The following CCNT1 variants were observed in gnomAD, a reference collection of about 807,000 sequenced individuals.
The protein encoded by CCNT1 is cyclin T1.
Under a neutral mutation model 67.3 loss-of-function variants are expected in CCNT1, and 18 were observed. The ratio of observed to expected loss-of-function variants is 0.27; its 90% CI spans 0.18 to 0.40. CCNT1 has a LOEUF of 0.40. CCNT1 is among the 10% of genes least tolerant of loss of function. The pLI, the probability that CCNT1 is intolerant of heterozygous loss-of-function variation, is 1.00. For missense variants in CCNT1, 744 were observed against 884.9 expected, an observed-to-expected ratio of 0.84 and a Z score of 2.02; for synonymous variants, 333 against 310.3, an observed-to-expected ratio of 1.07 and a Z score of -0.77.
intron 1 of CCNT1, among the ~76,000 whole-genome samples, chr12:48,715,205 GACAGGATGCTTAGGAAACAAAC>G (rs1940516151): frequency 6.6e-6 from 1 of 152,198 alleles, no homozygotes; most frequent in Admixed American, 6.5e-5. Flanking sequence ...ACTCCATACT[GACAGGATGCTTAGGAAACAAAC>G]CTGGACATCA....
chr12:48,704,762 T>G (rs1450136619), intron 3 of CCNT1, among the ~76,000 whole-genome samples: 2 of 152,012 alleles, frequency 1.3e-5, no homozygotes, highest in Non-Finnish European at 2.9e-5. Context: ...TGAGCCGAGA[T>G]TGCGCCACTG....
At chr12:48,698,848 C>T (rs561733463) in intron 5 of CCNT1, among the ~76,000 whole-genome samples, 2 of 151,338 alleles carry the variant, frequency 1.3e-5, no homozygotes, top group South Asian at 2.1e-4. Flanking sequence ...CCCAGCTACT[C>T]GGAAGACTGA....
intron 3 of CCNT1, among the ~76,000 whole-genome samples, chr12:48,701,730 C>G (rs1162802669): frequency 1.3e-5 from 2 of 151,974 alleles, no homozygotes; most frequent in African/African-American, 4.8e-5. Context: ...CCTCAGCCTC[C>G]CGAGTAGCTG....
chr12:48,696,351 A>T (rs899556104), intron 6 of CCNT1, among the ~76,000 whole-genome samples, 189 bp from the exon 7 acceptor site: 3 of 150,426 alleles, frequency 2.0e-5, no homozygotes, highest in African/African-American at 7.3e-5. Context: ...CTATTAACCC[A>T]CCTGTTCAGG....
At chr12:48,711,671 T>A (rs1289561683) in intron 2 of CCNT1, among the ~76,000 whole-genome samples, 3 of 152,110 alleles carry the variant, frequency 2.0e-5, no homozygotes, top group African/African-American at 7.2e-5. Flanking sequence ...CAGGCTTCTC[T>A]CTCTTTTAAT....
At position 48,690,331 on chromosome 12, in the gene CCNT1, A is replaced by G. The variant is rs996508950; in HGVS notation, c.*2702T>C. The G allele has an allele frequency of 6.6e-6, 1 of 152,214 alleles. No homozygotes were observed. Among genetic ancestry groups the G allele is most frequent in the Non-Finnish European group, 1.5e-5 (1 of 68,056 alleles). The allele number at this position is 152,214 out of a possible 1,614,324, so 9.4% of individuals were successfully genotyped here. On this transcript the variant is annotated 3_prime_UTR_variant, in exon 9 of 9. Coordinates refer to ENST00000261900, the MANE Select transcript of CCNT1 (RefSeq NM_001240.4). ...AGAAACAAAAAGCCATATTTATCAGACTAACTTTGGATGTATAAATCTCAT... is the reference window on the plus strand; with the variant it reads ...AGAAACAAAAAGCCATATTTATCAGGCTAACTTTGGATGTATAAATCTCAT...
At chr12:48,695,228 G>C (rs1391738314) in intron 8 of CCNT1, among the ~76,000 whole-genome samples, 1 of 151,936 alleles carries the variant, frequency 6.6e-6, no homozygotes, top group African/African-American at 2.4e-5. Context: ...GGATTTAGGA[G>C]AAAACAATGG....
chr12:48,693,109 G>C lies in CCNT1; in HGVS notation c.2105C>G (p.Ser702Cys). 1.2e-6 allele frequency: 2 copies of C among 1,614,124 alleles called. No individual in the cohort carries two copies. Among genetic ancestry groups the C allele is most frequent in the Non-Finnish European group, 1.7e-6 (2 of 1,180,006 alleles). ...TGGCCGGGGTTTGTCTGTATTGCCA[G>C]ATCTCGAGGAGATTCCACCAGACCG... ...NPRSGGISSR[S>C]GNTDKPRPPP... The change falls in exon 9 of 9, where the codon TCT (serine) becomes TGT (cysteine). Residue 702 changes from serine to cysteine, a missense_variant. Physicochemically the swap from Ser to Cys is moderately radical, Grantham distance 112 (BLOSUM62 -1). This residue lies in a region of CCNT1 where 564 missense variants were observed against 574.2 expected (regional missense o/e 0.98). Coordinates refer to ENST00000261900, the MANE Select transcript of CCNT1 (RefSeq NM_001240.4).
rs752182045 is a variant in CCNT1 at position 48,693,446 on chromosome 12, T to C, written c.1768A>G (p.Lys590Glu). The change falls in exon 9 of 9, where the codon AAG (lysine) becomes GAG (glutamate). Residue 590 changes from lysine to glutamate, a missense_variant. Coordinates refer to ENST00000261900, the MANE Select transcript of CCNT1 (RefSeq NM_001240.4). ...TGGAVFDHPA[K>E]IAKSTKSSSL... is the part of the protein sequence containing the mutation. ...GAGGATTTAGTACTCTTGGCAATCT[T>C]GGCTGGATGATCAAACACAGCCCCT... The C allele has an allele frequency of 1.2e-6, 2 of 1,614,130 alleles. No individual in the cohort carries two copies. The highest frequency in any genetic ancestry group is 1.7e-6 in the Non-Finnish European group (2 of 1,180,050).
chr12:48,709,617 A>C (rs1222955589), intron 2 of CCNT1, among the ~76,000 whole-genome samples: 1 of 152,208 alleles, frequency 6.6e-6, no homozygotes, highest in Non-Finnish European at 1.5e-5. Context: ...AGAAATCCAA[A>C]AAATAATAAA....
chr12:48,700,985 A>G, intron 4 of CCNT1, 28 bp downstream of exon 4: 1 of 1,346,140 alleles, frequency 7.4e-7, no homozygotes, highest in South Asian at 1.3e-5. Context: ...ATAATTTAAA[A>G]AAATGTTTCA....
chr12:48,716,182 G>A lies in CCNT1; in HGVS notation c.161+333C>T, dbSNP rs528625554. On this transcript the variant is annotated intron_variant, in intron 1 of 8. Coordinates refer to ENST00000261900, the MANE Select transcript of CCNT1 (RefSeq NM_001240.4). ...AACCTCTGCCAGACCTAGACCCCTA[G>A]GGCACAGCGGAAAATGAGAATCTTA... is the stretch of plus-strand genomic sequence containing the variant. Among the ~76,000 whole-genome samples the A allele has an allele frequency of 2.0e-5, 3 of 152,326 alleles. No individual in the cohort carries two copies. In the South Asian group the frequency reaches 6.2e-4, roughly 32 times the overall value.
chr12:48,706,996 G>T (rs1940371069), intron 2 of CCNT1, among the ~76,000 whole-genome samples: 1 of 152,122 alleles, frequency 6.6e-6, no homozygotes, highest in East Asian at 1.9e-4. Flanking sequence ...TTGAGCCCAG[G>T]AGTCCGAGAC....
intron 2 of CCNT1, among the ~76,000 whole-genome samples, chr12:48,708,233 A>G (rs1940394416): frequency 6.6e-6 from 1 of 151,858 alleles, no homozygotes; most frequent in South Asian, 2.1e-4. Context: ...ATTTTAAAAT[A>G]TAGAAAAAAG....
chr12:48,705,844 T>C lies in CCNT1; in HGVS notation c.296A>G (p.Lys99Arg), dbSNP rs1242723825. 1 of 1,613,936 alleles carries C rather than the reference T, an allele frequency of 6.2e-7. No homozygotes were observed. The highest frequency in any genetic ancestry group is 1.1e-5 in the South Asian group (1 of 91,014). ...TACCTTGATGACATGTTCCAATTTT[T>C]TGGGCTGCTCCTCCACTTTAGCTGC... The part of the protein sequence containing the change: ...FLAAKVEEQP[K>R]KLEHVIKVAH... The change falls in exon 3 of 9, where the codon AAA becomes AGA. Residue 99 changes from lysine (K) to arginine (R), a missense_variant. Transcript: ENST00000261900.
At position 48,691,833 on chromosome 12, in the gene CCNT1, T is replaced by A. The variant is rs911677354; in HGVS notation, c.*1200A>T. 6.6e-6 allele frequency: 1 copy of A among 152,204 alleles called. No homozygotes were observed. Among genetic ancestry groups the A allele is most frequent in the South Asian group, 2.1e-4 (1 of 4,822 alleles). The allele number at this position is 152,204 out of a possible 1,614,324, so 9.4% of individuals were successfully genotyped here. A position where few individuals can be genotyped will look rare whatever the true frequency, so the allele number is the denominator to read the frequency against. On this transcript the variant is annotated 3_prime_UTR_variant, in exon 9 of 9. Coordinates refer to ENST00000261900, the MANE Select transcript of CCNT1 (RefSeq NM_001240.4). ...CCTTCGGATATACACATAAAAAGCA[T>A]GTCTTACATTTATAATGTAATTTTT...
At chr12:48,706,154 C>T (rs1156540985) in intron 2 of CCNT1, among the ~76,000 whole-genome samples, 1 of 151,982 alleles carries the variant, frequency 6.6e-6, no homozygotes, top group Non-Finnish European at 1.5e-5. Context: ...TGTAAGCAGA[C>T]AGTTTTCTAT....
rs755457863 is a variant in CCNT1, at chr12:48,701,020, C to T, written c.426G>A (p.Gln142=). Residue 142 remains glutamine (Q), a synonymous_variant, in exon 4 of 9, where the codon CAG becomes CAA. Coordinates refer to ENST00000261900, the MANE Select transcript of CCNT1 (RefSeq NM_001240.4). Reference sequence around the variant, plus strand: ...AAAGGAAAATAAACTTACCTAAAGTCTGCAAAATTATGCTTTCTAAAATGA... The same window carrying T: ...AAAGGAAAATAAACTTACCTAAAGTTTGCAAAATTATGCTTTCTAAAATGA... ...DLVILESIIL[Q]TLGFELTIDH... is the part of the protein sequence containing the mutation. 4.5e-6 allele frequency: 7 copies of T among 1,565,240 alleles called. No individual in the cohort carries two copies. The East Asian group carries it at 1.6e-4, about 35-fold the overall frequency.
intron 2 of CCNT1, among the ~76,000 whole-genome samples, chr12:48,711,816 G>A (rs926204350): frequency 2.0e-5 from 3 of 152,248 alleles, no homozygotes; most frequent in Admixed American, 6.5e-5. Flanking sequence ...GTTTTGAGAC[G>A]GAGTCTCATT....
Sources: gnomAD v4.1 joint callset for allele counts (sites outside exome capture counted in the v4.1 genomes callset) on GRCh38, gnomAD v4.1.1 for gene constraint, gnomAD v4.1.1 regional missense constraint, MANE v1.5 for transcripts, NCBI Gene and HGNC (gene_info 2026-07-23, HGNC 2026-07-21) for gene names.